Variants in DENND2B observed in about 807,000 individuals in gnomAD.
DENND2B encodes DENN domain containing 2B.
DENND2B carries 32 observed loss-of-function variants against 116.0 expected under a neutral mutation model. That is an observed-to-expected ratio of 0.28 (90% confidence interval 0.21 to 0.37). The LOEUF (loss-of-function observed/expected upper bound fraction) is 0.37, where lower values mean the gene tolerates loss of function less well. Ranked by LOEUF, DENND2B falls within the 10% of genes least tolerant of loss-of-function variation. The probability of loss-of-function intolerance (pLI) is 1.00; values close to 1 mark genes in which losing one functional copy is unlikely to be tolerated. For missense variants in DENND2B, 1,276 were observed against 1,477.7 expected (o/e 0.86, Z 2.24); for synonymous variants, 588 against 583.9 (o/e 1.01, Z -0.10).
intron 2 of DENND2B, among the ~76,000 whole-genome samples, chr11:8,867,346 G>A (rs777509283): frequency 6.6e-6 from 1 of 152,062 alleles, no homozygotes; most frequent in African/African-American, 2.4e-5. Flanking sequence ...TGAACAATAC[G>A]ATTAACTGGT....
intron 1 of DENND2B, among the ~76,000 whole-genome samples, chr11:8,891,265 G>A (rs545776227): frequency 1.1e-3 from 175 of 152,234 alleles, no homozygotes; most frequent in African/African-American, 3.2e-3. Flanking sequence ...AGGAACAACC[G>A]GTACCAGCCA....
At chr11:8,727,375 A>G (rs1324255425) in intron 3 of DENND2B, among the ~76,000 whole-genome samples, 1 of 152,158 alleles carries the variant, frequency 6.6e-6, no homozygotes, top group Non-Finnish European at 1.5e-5. Flanking sequence ...CAAGCACTCA[A>G]CACAACCGAA....
At chr11:8,849,175 AAGC>A (rs1234312541) in intron 3 of DENND2B, among the ~76,000 whole-genome samples, 1 of 152,128 alleles carries the variant, frequency 6.6e-6, no homozygotes, top group African/African-American at 2.4e-5. Flanking sequence ...AGTCACTGCT[AAGC>A]ACTAGGGATA....
At chr11:8,698,681 CA>C (rs1360448346) in intron 16 of DENND2B, among the ~76,000 whole-genome samples, 13 of 152,196 alleles carry the variant, frequency 8.5e-5, no homozygotes, top group Admixed American at 2.6e-4. Context: ...GTCCAGTGGC[CA>C]AGTCTGTGGA....
At chr11:8,841,790 T>C (rs1012859462) in intron 3 of DENND2B, among the ~76,000 whole-genome samples, 6 of 152,204 alleles carry the variant, frequency 3.9e-5, no homozygotes, top group Admixed American at 6.5e-5. Flanking sequence ...TGGCACAAAA[T>C]TCCCTTTCCA....
chr11:8,824,429 T>C (rs2061891625), intron 4 of DENND2B, among the ~76,000 whole-genome samples: 1 of 152,150 alleles, frequency 6.6e-6, no homozygotes, highest in South Asian at 2.1e-4. Flanking sequence ...TTAGCTCCCA[T>C]TTATAAGTGA....
At chr11:8,835,269 T>G (rs1410268031) in intron 4 of DENND2B, among the ~76,000 whole-genome samples, 1 of 152,088 alleles carries the variant, frequency 6.6e-6, no homozygotes, top group Non-Finnish European at 1.5e-5. Flanking sequence ...ATAATAATTT[T>G]TACGTGTTTC....
rs964990149 is a variant in DENND2B, at chr11:8,829,177, G to C, written c.-115+10133C>G. ...GTGTGGTGTGTAGTATGTGTGGTGT[G>C]TGTGGTGTTTGTGTGTGTGGTATGT... On this transcript the variant is annotated intron_variant, in intron 4 of 6. Transcript: ENST00000524757. Among the ~76,000 whole-genome samples the C allele has an allele frequency of 3.9e-5, 6 of 151,906 alleles. No homozygotes were observed. In the East Asian group the frequency reaches 1.2e-3, roughly 29 times the overall value.
At chr11:8,805,072 G>C (rs1593962325) in intron 1 of DENND2B, among the ~76,000 whole-genome samples, 1 of 152,138 alleles carries the variant, frequency 6.6e-6, no homozygotes, top group East Asian at 1.9e-4. Context: ...CCATTCTACA[G>C]ATGCCTCAAA....
At chr11:8,830,723 TGGTGGGGGAAAGAGCCCCCATCACA>T (rs955718231) in intron 4 of DENND2B, 13 of 152,248 alleles carry the variant, frequency 8.5e-5, no homozygotes, top group African/African-American at 3.1e-4. Flanking sequence ...TCACCCACTC[TGGTGGGGGAAAGAGCCCCCATCACA>T]GGCTCCAATC....
chr11:8,815,815 T>C (rs1051537180), intron 4 of DENND2B, among the ~76,000 whole-genome samples: 3 of 152,224 alleles, frequency 2.0e-5, no homozygotes, highest in Non-Finnish European at 4.4e-5. Flanking sequence ...ATTCAATGTA[T>C]GCAATAAGTG....
chr11:8,728,070 T>A (rs1196780758), intron 3 of DENND2B, among the ~76,000 whole-genome samples: 1 of 151,944 alleles, frequency 6.6e-6, no homozygotes, highest in Non-Finnish European at 1.5e-5. Flanking sequence ...AGTGGTGTGA[T>A]CATACTCGCT....
At chr11:8,863,427 G>A (rs1566064657) in intron 2 of DENND2B, among the ~76,000 whole-genome samples, 1 of 151,450 alleles carries the variant, frequency 6.6e-6, no homozygotes, top group Non-Finnish European at 1.5e-5. Context: ...TAGAGAAGGG[G>A]TTTCACCATA....
chr11:8,888,348 G>A lies in DENND2B; in HGVS notation c.-255-7239C>T, dbSNP rs530274972. Among the ~76,000 whole-genome samples, 7 of 152,292 alleles carry A rather than the reference G, an allele frequency of 4.6e-5. No homozygotes were observed. The East Asian group carries it at 1.4e-3, about 29-fold the overall frequency. The stretch of plus-strand genomic sequence containing the variant: ...CTGATTGCTGCTTCTGATCATAGAT[G>A]TGCAGAGAAAGAGGCTGGTGGCCAT... On this transcript the variant is annotated intron_variant, in intron 1 of 22. Transcript: ENST00000534127.
intron 1 of DENND2B, chr11:8,776,186 A>ACC (rs1555185858): frequency 9.0e-6 from 4 of 443,036 alleles, no homozygotes; most frequent in South Asian, 4.8e-5. Context: ...ACACACACAC[A>ACC]CCTACCTCTC....
chr11:8,722,054 G>A (rs1444346131), intron 4 of DENND2B, among the ~76,000 whole-genome samples: 1 of 152,250 alleles, frequency 6.6e-6, no homozygotes, highest in East Asian at 1.9e-4. Flanking sequence ...GCATCTTCCA[G>A]GGGCAGATGT....
upstream of DENND2B, among the ~76,000 whole-genome samples, chr11:8,873,094 C>G (rs190244894): frequency 1.3e-5 from 2 of 152,316 alleles, no homozygotes. Context: ...CAGGTAAATT[C>G]TACCTGCAGC....
intron 1 of DENND2B, among the ~76,000 whole-genome samples, chr11:8,892,919 C>G (rs1039552671): frequency 6.6e-6 from 1 of 152,154 alleles, no homozygotes. Context: ...CATTCTGATA[C>G]CAAAGCCTGG....
chr11:8,757,258 T>C (rs993799864), intron 1 of DENND2B: 8 of 358,294 alleles, frequency 2.2e-5, no homozygotes, highest in Admixed American at 3.8e-5. Flanking sequence ...TGTCTGGCAA[T>C]AGAAGCTTAA....
Sources: allele counts gnomAD v4.1 joint callset (sites outside exome capture counted in the v4.1 genomes callset), GRCh38; gene constraint gnomAD v4.1.1; transcripts MANE v1.5; gene names NCBI Gene and HGNC (gene_info 2026-07-23, HGNC 2026-07-21).